The following DPP10 variants were observed in gnomAD, a reference collection of about 807,000 sequenced individuals.
DPP10 encodes inactive dipeptidyl peptidase 10.
In DPP10, 33 loss-of-function variants were observed where a neutral mutation model predicts 120.9. That is an observed-to-expected ratio of 0.27 (90% CI 0.21 to 0.37). DPP10 has a LOEUF of 0.37. Among genes scored for constraint, DPP10 ranks in the 10% least tolerant of loss-of-function variants. The pLI, the probability that DPP10 is intolerant of heterozygous loss-of-function variation, is 1.00. For missense variants in DPP10, 816 were observed against 942.8 expected, an observed-to-expected ratio of 0.87 and a Z score of 1.76; for synonymous variants, 337 against 326.1, an observed-to-expected ratio of 1.03 and a Z score of -0.36.
intron 1 of DPP10, among the ~76,000 whole-genome samples, chr2:114,915,206 G>A (rs1694706624): frequency 6.6e-6 from 1 of 152,138 alleles, no homozygotes; most frequent in South Asian, 2.1e-4. Context: ...AGCAGAGGTT[G>A]CTATTCTTAT....
At chr2:115,663,181 G>GA (rs1182241226) in intron 5 of DPP10, among the ~76,000 whole-genome samples, 3 of 151,718 alleles carry the variant, frequency 2.0e-5, no homozygotes, top group African/African-American at 4.8e-5. Context: ...TTAAAATAAT[G>GA]AAAAAAATGC....
At chr2:114,838,917 T>A (rs1382656160) in intron 1 of DPP10, among the ~76,000 whole-genome samples, 3 of 152,236 alleles carry the variant, frequency 2.0e-5, no homozygotes, top group African/African-American at 7.2e-5. Context: ...TTTTGTGTTT[T>A]AACATCTCTA....
At position 114,678,799 on chromosome 2, in the gene DPP10, C is replaced by A. The variant is rs189821832; in HGVS notation, c.60+235961C>A. Among the ~76,000 whole-genome samples, 416 of 152,088 alleles carry A rather than the reference C, an allele frequency of 2.7e-3. 1 individual carries two copies. Among genetic ancestry groups the A allele is most frequent in the Non-Finnish European group, 4.4e-3 (299 of 67,936 alleles). On this transcript the variant is annotated intron_variant, in intron 1 of 25. Coordinates refer to ENST00000410059, the MANE Select transcript of DPP10 (RefSeq NM_020868.6). ...TTTGAGCTAGACAATATTAAAATGG[C>A]AATTAACTTTTCTTCTCTACTTATA...
intron 3 of DPP10, among the ~76,000 whole-genome samples, chr2:115,355,049 C>A (rs1029466764): frequency 6.6e-6 from 1 of 152,124 alleles, no homozygotes; most frequent in Non-Finnish European, 1.5e-5. Context: ...GATTTATAAT[C>A]TTTTGGGTAT....
At chr2:115,837,971 A>G (rs1689707199) in intron 24 of DPP10, among the ~76,000 whole-genome samples, 1 of 152,172 alleles carries the variant, frequency 6.6e-6, no homozygotes, top group South Asian at 2.1e-4. Context: ...AACAATAAGA[A>G]CACCAACAAG....
At chr2:114,941,462 C>A (rs1338450439) in intron 1 of DPP10, among the ~76,000 whole-genome samples, 2 of 152,048 alleles carry the variant, frequency 1.3e-5, no homozygotes, top group Non-Finnish European at 2.9e-5. Flanking sequence ...ATTAGTTATT[C>A]CTTGGATATT....
chr2:114,615,612 C>G (rs973271695), intron 1 of DPP10, among the ~76,000 whole-genome samples: 6 of 152,106 alleles, frequency 3.9e-5, no homozygotes, highest in Non-Finnish European at 7.4e-5. Flanking sequence ...AGAACAGGAA[C>G]CAAGAGTAAT....
intron 1 of DPP10, among the ~76,000 whole-genome samples, chr2:114,973,302 G>A (rs888431255): frequency 2.6e-5 from 4 of 151,476 alleles, no homozygotes; most frequent in South Asian, 2.1e-4. Flanking sequence ...AATGTTACTC[G>A]TTTATATATT....
intron 1 of DPP10, among the ~76,000 whole-genome samples, chr2:115,167,024 C>T (rs1188699100): frequency 6.6e-6 from 1 of 152,136 alleles, no homozygotes; most frequent in African/African-American, 2.4e-5. Context: ...GGGTTATGCA[C>T]TGGAAGTCAC....
At chr2:115,525,796 C>A in intron 4 of DPP10, 102 bp from the exon 5 acceptor site, 2 of 755,910 alleles carry the variant, frequency 2.6e-6, no homozygotes, top group Non-Finnish European at 4.2e-6. Context: ...AATGAGAATG[C>A]CATTTTATAG....
chr2:115,253,468 G>A (rs2058840563), intron 1 of DPP10, among the ~76,000 whole-genome samples: 5 of 152,060 alleles, frequency 3.3e-5, no homozygotes, highest in Admixed American at 3.3e-4. Flanking sequence ...AGTTCCATCT[G>A]AGACAAGGTG....
chr2:115,033,288 A>G (rs557195671), intron 1 of DPP10, among the ~76,000 whole-genome samples: 11 of 152,288 alleles, frequency 7.2e-5, no homozygotes, highest in African/African-American at 2.6e-4. Flanking sequence ...ACGCTTTGTT[A>G]TATAAACCGA....
At chr2:115,165,445 A>C (rs993673829) in intron 1 of DPP10, among the ~76,000 whole-genome samples, 1 of 152,194 alleles carries the variant, frequency 6.6e-6, no homozygotes, top group East Asian at 1.9e-4. Flanking sequence ...CATGTGCACA[A>C]ATTTACCTTG....
At chr2:115,440,522 T>C (rs535162434) in intron 3 of DPP10, among the ~76,000 whole-genome samples, 2 of 152,182 alleles carry the variant, frequency 1.3e-5, no homozygotes, top group Non-Finnish European at 2.9e-5. Flanking sequence ...CGCCACACTA[T>C]GAGATGAATC....
At chr2:114,712,213 G>A (rs965122491) in intron 1 of DPP10, among the ~76,000 whole-genome samples, 5 of 152,076 alleles carry the variant, frequency 3.3e-5, no homozygotes, top group African/African-American at 4.8e-5. Flanking sequence ...CCAGCTACTC[G>A]GGAGGCCAAG....
intron 1 of DPP10, among the ~76,000 whole-genome samples, chr2:114,659,868 G>A (rs1415128290): frequency 1.3e-5 from 2 of 152,158 alleles, no homozygotes; most frequent in Non-Finnish European, 2.9e-5. Context: ...AAAGACAGAG[G>A]GAGAAACTGA....
intron 19 of DPP10, among the ~76,000 whole-genome samples, chr2:115,799,871 T>C (rs1453239657): frequency 6.6e-6 from 1 of 152,082 alleles, no homozygotes; most frequent in Admixed American, 6.6e-5. Context: ...TCATTGCTAT[T>C]GTGAATAGTG....
At chr2:115,104,916 G>A (rs1322951745) in intron 1 of DPP10, among the ~76,000 whole-genome samples, 1 of 151,832 alleles carries the variant, frequency 6.6e-6, no homozygotes, top group African/African-American at 2.4e-5. Flanking sequence ...TGAGGCAGGA[G>A]AATTGCTTGA....
chr2:115,328,341 A>G (rs1434230305), intron 2 of DPP10, among the ~76,000 whole-genome samples: 1 of 152,076 alleles, frequency 6.6e-6, no homozygotes, highest in Non-Finnish European at 1.5e-5. Flanking sequence ...GGTCTCAGAA[A>G]GAGGTTTGAG....
Sources: gnomAD v4.1 joint callset for allele counts (sites outside exome capture counted in the v4.1 genomes callset) on GRCh38, gnomAD v4.1.1 for gene constraint, MANE v1.5 for transcripts, NCBI Gene and HGNC (gene_info 2026-07-23, HGNC 2026-07-21) for gene names.